Variants in DPRX observed in about 807,000 individuals in gnomAD.
DPRX encodes the protein divergent paired-related homeobox.
In DPRX, 11 loss-of-function variants were observed where a neutral mutation model predicts 8.4. That is an observed-to-expected ratio of 1.31 (90% CI 0.82 to 2.17). The LOEUF is 2.17. Ranked by LOEUF, DPRX falls within the 30% of genes most tolerant of loss-of-function variation. The probability of loss-of-function intolerance (pLI) is 0.00; values close to 1 mark genes in which losing one functional copy is unlikely to be tolerated. For missense variants in DPRX, 211 were observed against 236.7 expected (o/e 0.89, Z 0.71); for synonymous variants, 72 against 87.0 (o/e 0.83, Z 0.96).
chr19:53,603,957 G>C, the DPRX span, among the ~76,000 whole-genome samples: 1 of 151,862 alleles, frequency 6.6e-6, no homozygotes. Context: ...TGTTGGCCAG[G>C]CTGGTCTCAA....
At chr19:53,606,068 G>C in the DPRX span, 2 of 152,194 alleles carry the variant, frequency 1.3e-5, no homozygotes, top group South Asian at 2.1e-4. The surrounding 1 kb of genome is among the most constrained non-coding windows in gnomAD (Gnocchi z 4.8). Flanking sequence ...GATGGGCTGT[G>C]GGGGAGGATG....
upstream of DPRX, among the ~76,000 whole-genome samples, chr19:53,629,139 CCA>C: frequency 6.6e-6 from 1 of 151,062 alleles, no homozygotes; most frequent in African/African-American, 2.4e-5. Flanking sequence ...CATGGTGAAA[CCA>C]GGTCTCTACT....
the DPRX span, among the ~76,000 whole-genome samples, chr19:53,616,246 C>CT: frequency 6.6e-6 from 1 of 151,816 alleles, no homozygotes; most frequent in Admixed American, 6.6e-5. Context: ...GAGTGAAACT[C>CT]TGTCTCAAAA....
the DPRX span, among the ~76,000 whole-genome samples, chr19:53,624,575 G>A: frequency 1.8e-4 from 27 of 151,826 alleles, no homozygotes; most frequent in Admixed American, 1.4e-3. Context: ...ACTGTGCCCA[G>A]CCTTTTGTTT....
chr19:53,616,482 T>A, the DPRX span, among the ~76,000 whole-genome samples: 4 of 152,116 alleles, frequency 2.6e-5, no homozygotes, highest in East Asian at 7.8e-4. Context: ...GGACCTGGCA[T>A]GGTGGCTCAC....
intron 1 of DPRX, among the ~76,000 whole-genome samples, chr19:53,632,383 C>T (rs2091096159): frequency 1.3e-5 from 2 of 152,134 alleles, no homozygotes; most frequent in South Asian, 4.1e-4. Flanking sequence ...TCACTGCAAC[C>T]TCCACCTCCC....
the DPRX span, among the ~76,000 whole-genome samples, chr19:53,607,718 G>A: frequency 7.3e-5 from 11 of 150,770 alleles, no homozygotes; most frequent in Non-Finnish European, 1.5e-4. Flanking sequence ...AATTGGCCGG[G>A]TGTGGTGGCA....
the DPRX span, among the ~76,000 whole-genome samples, chr19:53,612,083 C>CA: frequency 3.9e-3 from 567 of 145,970 alleles, 1 homozygote; most frequent in African/African-American, 0.013. Context: ...GACTCCACCT[C>CA]AAAAAAAAAA....
At chr19:53,616,995 T>G in the DPRX span, 1 of 1,146,758 alleles carries the variant, frequency 8.7e-7, no homozygotes, top group Non-Finnish European at 1.3e-6. Flanking sequence ...CTATGACTGA[T>G]GAACAAGGGC....
chr19:53,624,829 C>CA, the DPRX span, among the ~76,000 whole-genome samples: 23,637 of 86,352 alleles, frequency 0.27, 3,253 homozygotes, highest in Admixed American at 0.34. Context: ...GCGACAGTCA[C>CA]AAAAAAAAAA....
At chr19:53,609,466 C>CA in the DPRX span, among the ~76,000 whole-genome samples, 328 of 55,476 alleles carry the variant, frequency 5.9e-3, 12 homozygotes, top group Non-Finnish European at 7.8e-3. Context: ...GACTCGGTCT[C>CA]AAAAAAAAAA....
upstream of DPRX, among the ~76,000 whole-genome samples, chr19:53,630,887 C>T (rs963088022): frequency 6.6e-6 from 1 of 151,574 alleles, no homozygotes; most frequent in African/African-American, 2.4e-5. Flanking sequence ...ACTCCTGTCA[C>T]CCAGGCTGGA....
At chr19:53,601,328 C>A in the DPRX span, 1 of 456,650 alleles carries the variant, frequency 2.2e-6, no homozygotes. Context: ...ATCAGGTAAA[C>A]ATGTGCAGAG....
At chr19:53,616,907 C>A in the DPRX span, 1 of 1,455,766 alleles carries the variant, frequency 6.9e-7, no homozygotes, top group Non-Finnish European at 9.6e-7. Flanking sequence ...ACTATGTATG[C>A]TCTGGTGGTG....
At chr19:53,610,591 G>T in the DPRX span, among the ~76,000 whole-genome samples, 1 of 149,876 alleles carries the variant, frequency 6.7e-6, no homozygotes, top group African/African-American at 2.4e-5. Context: ...CCTGAAGCTG[G>T]AGCTCTGCCG....
At chr19:53,622,555 G>C in the DPRX span, among the ~76,000 whole-genome samples, 1 of 152,062 alleles carries the variant, frequency 6.6e-6, no homozygotes, top group East Asian at 1.9e-4. Flanking sequence ...TTCCTGCTGG[G>C]CATGGGGAAT....
At chr19:53,616,216 C>T in the DPRX span, among the ~76,000 whole-genome samples, 1 of 151,798 alleles carries the variant, frequency 6.6e-6, no homozygotes, top group Non-Finnish European at 1.5e-5. Context: ...TGCGCCATTG[C>T]ACTCCAGCCT....
Position 53,636,698 on chromosome 19 carries a change from T to C in DPRX, c.286T>C (p.Ser96Pro), listed in dbSNP as rs1247364530. ...ACCGCCAATACCAGAGGGTGGGGTC[T>C]CCACCAGTGTCGGCCTGAGAAATGC... The change falls in exon 3 of 3, where the codon TCC becomes CCC. Residue 96 changes from serine to proline, a missense_variant. Ser to Pro is a moderately conservative substitution (Grantham distance 74). Coordinates refer to ENST00000376650, the Ensembl canonical transcript of DPRX. The C allele has an allele frequency of 1.1e-5, 17 of 1,613,972 alleles. No individual in the cohort carries two copies. Among genetic ancestry groups the C allele is most frequent in the Non-Finnish European group, 1.2e-5 (14 of 1,180,028 alleles).
chr19:53,632,802 C>T (rs1325316207), intron 1 of DPRX, among the ~76,000 whole-genome samples: 4 of 152,142 alleles, frequency 2.6e-5, no homozygotes, highest in East Asian at 1.9e-4. Context: ...CCTTCAAATC[C>T]GAAATCTTCT....
Sources: gnomAD v4.1 joint callset for allele counts (sites outside exome capture counted in the v4.1 genomes callset) on GRCh38, gnomAD v4.1.1 for gene constraint, Gnocchi (gnomAD v3.1) non-coding constraint, MANE v1.5 for transcripts, NCBI Gene and HGNC (gene_info 2026-07-23, HGNC 2026-07-21) for gene names.